ZNF549: variants seen among roughly 807,000 people sequenced by gnomAD.
ZNF549 encodes zinc finger protein 549.
A neutral mutation model predicts 11.1 loss-of-function variants in ZNF549; 11 were observed. The ratio of observed to expected loss-of-function variants is 0.99; its 90% CI spans 0.62 to 1.64. The LOEUF (loss-of-function observed/expected upper bound fraction) is 1.64. Ranked by LOEUF, ZNF549 falls within the 40% of genes most tolerant of loss-of-function variation. The pLI, the probability that ZNF549 is intolerant of heterozygous loss-of-function variation, is 0.00. For missense variants in ZNF549, 748 were observed against 765.1 expected, an observed-to-expected ratio of 0.98 and a Z score of 0.26; for synonymous variants, 266 against 269.1, an observed-to-expected ratio of 0.99 and a Z score of 0.11.
intron 2 of ZNF549, 25 bp from the exon 3 acceptor site, chr19:57,535,119 G>T: frequency 3.7e-6 from 6 of 1,610,702 alleles, no homozygotes; most frequent in Non-Finnish European, 5.1e-6. Flanking sequence ...GTCTGCTCAT[G>T]ATTTCATCTG....
Position 57,537,950 on chromosome 19 carries a change from A to T in ZNF549, c.946A>T (p.Lys316Ter). The T allele has an allele frequency of 1.2e-6, 2 of 1,614,168 alleles. No individual in the cohort carries two copies. The highest frequency in any genetic ancestry group is 1.7e-6 in the Non-Finnish European group (2 of 1,180,000). The change falls in exon 4 of 4, where the codon AAA becomes TAA. Residue 316 changes from lysine (K) to a stop codon, truncating the protein, a stop_gained. Coordinates refer to ENST00000376233, the MANE Select transcript of ZNF549 (RefSeq NM_001199295.2). LOFTEE classifies it low-confidence loss of function (END_TRUNC). The part of the protein sequence containing the change: ...CIECGKSLSS[K>*]YSLVEHQRTH... ...CGAATGTGGGAAATCCTTGAGCTCC[A>T]AATACTCACTTGTGGAACACCAGAG...
At chr19:57,532,970 G>C (rs901586698) in intron 2 of ZNF549, among the ~76,000 whole-genome samples, 6 of 152,096 alleles carry the variant, frequency 3.9e-5, no homozygotes, top group Admixed American at 3.9e-4. Context: ...TCAACCTCCC[G>C]AGTGGCTGGG....
intron 1 of ZNF549, among the ~76,000 whole-genome samples, chr19:57,529,144 A>G (rs969934340): frequency 2.0e-5 from 3 of 152,244 alleles, no homozygotes; most frequent in African/African-American, 7.2e-5. Context: ...TGCTGACAGT[A>G]TTTAGTATAG....
rs769807706 is a variant in ZNF549 at position 57,539,097 on chromosome 19, T to C, written c.*170T>C. On this transcript the variant is annotated 3_prime_UTR_variant, in exon 4 of 4. Transcript: ENST00000376233. ...AGCTTTCTAGAGATTACTTGTACTT[T>C]CTAATCTGCCCAGTGTTACAACAGA... 5.6e-6 allele frequency: 4 copies of C among 714,324 alleles called. No individual in the cohort carries two copies. The highest frequency in any genetic ancestry group is 9.0e-6 in the Non-Finnish European group (4 of 444,240). 44.2% of individuals were successfully genotyped at this position (714,324 alleles called of 1,614,324 possible).
At position 57,538,511 on chromosome 19, in the gene ZNF549, T is replaced by C. The variant is rs1437601036; in HGVS notation, c.1507T>C (p.Cys503Arg). The change falls in exon 4 of 4, where the codon TGC (cysteine) becomes CGC (arginine). Residue 503 changes from cysteine to arginine, a missense_variant. Transcript: ENST00000376233. ...KIHTRERPYE[C>R]SECGKGFYLE... ...CCACACTAGAGAAAGGCCTTATGAA[T>C]GCAGTGAATGTGGAAAAGGCTTCTA... is the stretch of plus-strand genomic sequence containing the variant. 2 of 1,614,098 alleles carry C rather than the reference T, an allele frequency of 1.2e-6. No homozygotes were observed. The highest frequency in any genetic ancestry group is 8.5e-7 in the Non-Finnish European group (1 of 1,180,042).
At chr19:57,535,516 CTT>C (rs1339071038) in intron 3 of ZNF549, 1 of 468,432 alleles carries the variant, frequency 2.1e-6, no homozygotes, top group Non-Finnish European at 3.8e-6. Context: ...ACCGACACCA[CTT>C]GGTTTTGCCA....
At chr19:57,528,372 C>T (rs2089888767) in intron 1 of ZNF549, among the ~76,000 whole-genome samples, 1 of 152,068 alleles carries the variant, frequency 6.6e-6, no homozygotes, top group Admixed American at 6.6e-5. Context: ...GTTACATGGG[C>T]AGTTGGAATC....
rs371302964 is a variant in ZNF549, at chr19:57,533,785, G to C, written c.73-1359G>C. Among the ~76,000 whole-genome samples, 6 of 152,330 alleles carry C rather than the reference G, an allele frequency of 3.9e-5. No individual in the cohort carries two copies. In the South Asian group the frequency reaches 1.2e-3, roughly 32 times the overall value. ...TGCCCTCGTTTGTCTCTCCAATCTTGTGGGCAGCAGTGTGTGCTGTGCCCT... is the reference window on the plus strand; with the variant it reads ...TGCCCTCGTTTGTCTCTCCAATCTTCTGGGCAGCAGTGTGTGCTGTGCCCT... On this transcript the variant is annotated intron_variant, in intron 2 of 3. Coordinates refer to ENST00000376233, the MANE Select transcript of ZNF549 (RefSeq NM_001199295.2).
In ZNF549 at chr19:57,535,260, G is replaced by A; in HGVS notation, c.189G>A (p.Met63Ile). ...TGATGCTGGAGAACTTTTCGCTTAT[G>A]GCCTCAGTAGGTAAGATCTCTTAAA... The part of the protein sequence containing the change: ...HDVMLENFSL[M>I]ASVGCLHGIE... The change falls in exon 3 of 4, where the codon ATG becomes ATA. Residue 63 changes from methionine (M) to isoleucine (I), a missense_variant. Physicochemically the swap from Met to Ile is conservative, Grantham distance 10. Coordinates refer to ENST00000376233, the MANE Select transcript of ZNF549 (RefSeq NM_001199295.2). The A allele has an allele frequency of 6.2e-7, 1 of 1,613,858 alleles. No homozygotes were observed. Among genetic ancestry groups the A allele is most frequent in the Non-Finnish European group, 8.5e-7 (1 of 1,179,806 alleles).
In ZNF549 at chr19:57,537,837, A is replaced by G. The variant is rs2089933349; in HGVS notation, c.833A>G (p.Asn278Ser). ...THNAEKPYVC[N>S]ICGKSFLHKQ... is the part of the protein sequence containing the mutation. ...AATGCAGAAAAGCCTTATGTGTGCA[A>G]TATATGTGGGAAATCATTCCTCCAT... is the stretch of plus-strand genomic sequence containing the variant. Residue 278 changes from asparagine to serine, a missense_variant, in exon 4 of 4, where the codon AAT (asparagine) becomes AGT (serine). Transcript: ENST00000376233. 6.2e-7 allele frequency: 1 copy of G among 1,613,990 alleles called. No individual in the cohort carries two copies. The highest frequency in any genetic ancestry group is 1.3e-5 in the African/African-American group (1 of 74,888).
rs1484994539 is a variant in ZNF549 at position 57,538,068 on chromosome 19, A to T, written c.1064A>T (p.His355Leu). Residue 355 changes from histidine to leucine, a missense_variant, in exon 4 of 4, where the codon CAC becomes CTC. His to Leu is a moderately conservative substitution (Grantham distance 99). Transcript: ENST00000376233. ...QTFVGHQQRIHTGERPYVCME... is the reference protein window; with the variant it reads ...QTFVGHQQRILTGERPYVCME... The stretch of plus-strand genomic sequence containing the variant: ...TTTGTTGGCCATCAGCAGAGAATCC[A>T]CACTGGAGAGAGGCCTTATGTGTGT... 2.5e-6 allele frequency: 4 copies of T among 1,614,012 alleles called. No individual in the cohort carries two copies. The highest frequency in any genetic ancestry group is 1.3e-5 in the African/African-American group (1 of 74,898).
intron 2 of ZNF549, among the ~76,000 whole-genome samples, chr19:57,531,429 G>A (rs1298992763): frequency 6.6e-6 from 1 of 152,226 alleles, no homozygotes; most frequent in Non-Finnish European, 1.5e-5. Flanking sequence ...TGCAGTTTGA[G>A]CTGTGACAGA....
Position 57,531,161 on chromosome 19 carries a change from G to T in ZNF549, c.72+53G>T, listed in dbSNP as rs116069926. The T allele has an allele frequency of 5.5e-3, 8,757 of 1,579,250 alleles. 396 individuals carry two copies. The African/African-American group carries it at 0.097, about 17-fold the overall frequency. On this transcript the variant is annotated intron_variant, in intron 2 of 3. Coordinates refer to ENST00000376233, the MANE Select transcript of ZNF549 (RefSeq NM_001199295.2). The stretch of plus-strand genomic sequence containing the variant: ...CTGGCCCTGTTCCCTAAAGCCATGG[G>T]TCTGGCCCACAGATGCAGGTAACAA...
At chr19:57,532,014 A>G (rs1234629697) in intron 2 of ZNF549, among the ~76,000 whole-genome samples, 1 of 152,162 alleles carries the variant, frequency 6.6e-6, no homozygotes. Flanking sequence ...GCATCTCACA[A>G]ATTCTAAGTT....
Position 57,527,499 on chromosome 19 carries a change from G to T in ZNF549, c.-75G>T. On this transcript the variant is annotated 5_prime_UTR_variant, in exon 1 of 4. Coordinates refer to ENST00000376233, the MANE Select transcript of ZNF549 (RefSeq NM_001199295.2). ...GGTCTCGGTCTGAGCGTCGCCCAGC[G>T]ATTTGCCACCGCACGCACGCCGGAT... 1 of 1,599,012 alleles carries T rather than the reference G, an allele frequency of 6.3e-7. No individual in the cohort carries two copies. The highest frequency in any genetic ancestry group is 8.5e-7 in the Non-Finnish European group (1 of 1,171,218).
Position 57,539,713 on chromosome 19 carries a change from T to G in ZNF549, c.*786T>G, listed in dbSNP as rs1328058838. On this transcript the variant is annotated 3_prime_UTR_variant, in exon 4 of 4. Coordinates refer to ENST00000376233, the MANE Select transcript of ZNF549 (RefSeq NM_001199295.2). The stretch of plus-strand genomic sequence containing the variant: ...TGTTTATTTGCAGTGATGCTTCATA[T>G]TTCCCAGCACTGTTCATGGTATCTT... The G allele has an allele frequency of 6.6e-6, 1 of 152,232 alleles. No homozygotes were observed. The allele number at this position is 152,232 out of a possible 1,614,324, so 9.4% of individuals were successfully genotyped here. A position where few individuals can be genotyped will look rare whatever the true frequency, so the allele number is the denominator to read the frequency against.
Position 57,527,492 on chromosome 19 carries a change from G to T in ZNF549, c.-82G>T. The T allele has an allele frequency of 1.9e-6, 3 of 1,585,918 alleles. No homozygotes were observed. The highest frequency in any genetic ancestry group is 4.6e-5 in the East Asian group (2 of 43,928). On this transcript the variant is annotated 5_prime_UTR_variant, in exon 1 of 4. Coordinates refer to ENST00000376233, the MANE Select transcript of ZNF549 (RefSeq NM_001199295.2). ...CTTGCCTGGTCTCGGTCTGAGCGTC[G>T]CCCAGCGATTTGCCACCGCACGCAC...
rs200979831 is a variant in ZNF549, at chr19:57,538,845, A to T, written c.1841A>T (p.Glu614Val). 1 of 1,613,346 alleles carries T rather than the reference A, an allele frequency of 6.2e-7. No homozygotes were observed. Among genetic ancestry groups the T allele is most frequent in the South Asian group, 1.1e-5 (1 of 91,088 alleles). Residue 614 changes from glutamate to valine, a missense_variant, in exon 4 of 4, where the codon GAA becomes GTA. Glu to Val is a moderately radical substitution (Grantham distance 121). Coordinates refer to ENST00000376233, the MANE Select transcript of ZNF549 (RefSeq NM_001199295.2). ...ATCCACACCGGAGAAAAGCCGTATG[A>T]ATGTGGTAAATGTGGGAAAGCCTTC... ...QRIHTGEKPY[E>V]CGKCGKAFNK...
At position 57,537,352 on chromosome 19, in the gene ZNF549, T is replaced by C. The variant is rs745647424; in HGVS notation, c.348T>C (p.Ile116=). The C allele has an allele frequency of 1.2e-6, 2 of 1,614,154 alleles. No individual in the cohort carries two copies. Among genetic ancestry groups the C allele is most frequent in the South Asian group, 2.2e-5 (2 of 91,082 alleles). ...CEMCILVMKD[I]LYLSEHQGTL... Reference sequence around the variant, plus strand: ...TGTGTATCCTGGTCATGAAAGACATTTTGTACCTCAGTGAGCATCAGGGGA... The same window carrying C: ...TGTGTATCCTGGTCATGAAAGACATCTTGTACCTCAGTGAGCATCAGGGGA... Residue 116 remains isoleucine (I), a synonymous_variant, in exon 4 of 4, where the codon ATT becomes ATC. Transcript: ENST00000376233.
Sources: gnomAD v4.1 joint callset for allele counts (sites outside exome capture counted in the v4.1 genomes callset) on GRCh38, gnomAD v4.1.1 for gene constraint, MANE v1.5 for transcripts, NCBI Gene and HGNC (gene_info 2026-07-23, HGNC 2026-07-21) for gene names.